ZC3H3: variants seen among roughly 807,000 people sequenced by gnomAD.
ZC3H3 encodes the protein zinc finger CCCH domain-containing protein 3.
ZC3H3 carries 36 observed loss-of-function variants against 77.3 expected under a neutral mutation model. The observed-to-expected ratio is 0.47, with a 90% CI of 0.36 to 0.61. ZC3H3 has a LOEUF of 0.61. Ranked by LOEUF, ZC3H3 falls within the 20% of genes least tolerant of loss-of-function variation. The pLI is 0.00. For synonymous variants in ZC3H3, 626 were observed against 555.2 expected, an observed-to-expected ratio of 1.13 and a Z score of -1.79; for missense variants, 1,331 against 1,312.2, an observed-to-expected ratio of 1.01 and a Z score of -0.22.
rs1820300302 is a variant in ZC3H3 at position 143,462,792 on chromosome 8, C to A, written c.2307+2925G>T. ...AGAGGTGGGGATGGAGTCACTGTCA[C>A]CCCTGCACACGTGCACACGATGCTC... On this transcript the variant is annotated intron_variant, in intron 9 of 11. Coordinates refer to ENST00000262577, the MANE Select transcript of ZC3H3 (RefSeq NM_015117.3). This position sits in a 1 kb window ranked among gnomAD's most constrained non-coding sequence, Gnocchi z 4.7. 6.6e-6 allele frequency among the ~76,000 whole-genome samples: 1 copy of A among 152,198 alleles called. No homozygotes were observed.
At chr8:143,446,846 C>T (rs912944035) in intron 9 of ZC3H3, among the ~76,000 whole-genome samples, 1 of 152,256 alleles carries the variant, frequency 6.6e-6, no homozygotes, top group South Asian at 2.1e-4. Flanking sequence ...GACTGGGGCC[C>T]GCAACCGGAG....
Position 143,462,810 on chromosome 8 carries a change from C to T in ZC3H3, c.2307+2907G>A, listed in dbSNP as rs1338487484. On this transcript the variant is annotated intron_variant, in intron 9 of 11. Transcript: ENST00000262577. The surrounding 1 kb of genome is among the most constrained non-coding windows in gnomAD (Gnocchi z 4.7). ...ACTGTCACCCCTGCACACGTGCACA[C>T]GATGCTCCCCAGCCCTGTGCACTGG... Among the ~76,000 whole-genome samples, 1 of 152,224 alleles carries T rather than the reference C, an allele frequency of 6.6e-6. No individual in the cohort carries two copies. The highest frequency in any genetic ancestry group is 6.5e-5 in the Admixed American group (1 of 15,286).
chr8:143,504,601 C>G (rs907293943), intron 4 of ZC3H3, among the ~76,000 whole-genome samples: 15 of 152,174 alleles, frequency 9.9e-5, no homozygotes, highest in Non-Finnish European at 1.9e-4. Flanking sequence ...TACAAGCAGG[C>G]AGGGACGGGC....
chr8:143,461,001 G>A (rs57560188), intron 9 of ZC3H3, among the ~76,000 whole-genome samples: 8,174 of 152,232 alleles, frequency 0.054, 283 homozygotes, highest in Non-Finnish European at 0.078. Context: ...TTTCTGTCAG[G>A]AGTGAGGAAA....
intron 8 of ZC3H3, among the ~76,000 whole-genome samples, chr8:143,466,131 T>TCC (rs1820402310): frequency 6.6e-6 from 1 of 152,128 alleles, no homozygotes; most frequent in Non-Finnish European, 1.5e-5. Flanking sequence ...CTCCTCTGAG[T>TCC]CCCTCACCTG....
chr8:143,445,747 C>T (rs909749826), intron 9 of ZC3H3, among the ~76,000 whole-genome samples: 21 of 152,018 alleles, frequency 1.4e-4, no homozygotes, highest in African/African-American at 5.1e-4. Flanking sequence ...TGAAGAAATA[C>T]AGATGCCATC....
chr8:143,541,284 G>T (rs1040979105), intron 1 of ZC3H3, 92 bp downstream of exon 1: 11 of 1,582,816 alleles, frequency 6.9e-6, no homozygotes, highest in African/African-American at 5.5e-5. Context: ...ACACGCGGGC[G>T]GTGAGCGACC....
intron 3 of ZC3H3, among the ~76,000 whole-genome samples, chr8:143,528,465 C>T (rs939639389): frequency 6.6e-6 from 1 of 152,226 alleles, no homozygotes; most frequent in African/African-American, 2.4e-5. Flanking sequence ...GCCAGCCTCC[C>T]GGGGAGATCG....
chr8:143,464,199 C>T (rs1174930530), intron 9 of ZC3H3, among the ~76,000 whole-genome samples: 3 of 152,252 alleles, frequency 2.0e-5, no homozygotes, highest in Admixed American at 6.5e-5. Context: ...GGCGCCGCGG[C>T]GCGGACACAC....
At chr8:143,535,567 AC>A (rs1411998429) in intron 3 of ZC3H3, among the ~76,000 whole-genome samples, 3 of 152,106 alleles carry the variant, frequency 2.0e-5, no homozygotes, top group Admixed American at 6.5e-5. Flanking sequence ...AGGGCTCTAG[AC>A]CCTCACCACA....
intron 11 of ZC3H3, among the ~76,000 whole-genome samples, chr8:143,439,404 G>A (rs995412937): frequency 2.6e-5 from 4 of 152,206 alleles, no homozygotes; most frequent in East Asian, 1.9e-4. Flanking sequence ...GCAGCCCGCC[G>A]AGCTGCGTGG....
chr8:143,495,753 C>G (rs891193765), intron 4 of ZC3H3, among the ~76,000 whole-genome samples: 1 of 133,962 alleles, frequency 7.5e-6, no homozygotes, highest in South Asian at 2.5e-4. Context: ...GCTAATTTTT[C>G]TTTTCTTTCT....
intron 4 of ZC3H3, among the ~76,000 whole-genome samples, chr8:143,503,982 A>AGG (rs146581356): frequency 6.6e-6 from 1 of 152,168 alleles, no homozygotes; most frequent in South Asian, 2.1e-4. Context: ...TTAAATTAGG[A>AGG]GGGGGAGAGA....
chr8:143,482,299 G>A (rs1457454521), intron 4 of ZC3H3, among the ~76,000 whole-genome samples: 14 of 152,240 alleles, frequency 9.2e-5, no homozygotes, highest in Admixed American at 4.6e-4. Context: ...TGGGGAGGCC[G>A]GCCCTACTTA....
At chr8:143,477,301 A>G (rs1294334673) in intron 4 of ZC3H3, among the ~76,000 whole-genome samples, 1 of 152,204 alleles carries the variant, frequency 6.6e-6, no homozygotes, top group Admixed American at 6.5e-5. Context: ...GTTCACAAAC[A>G]CCAATCTTGG....
intron 3 of ZC3H3, chr8:143,523,502 A>G (rs1822317271): frequency 3.0e-6 from 3 of 985,306 alleles, no homozygotes; most frequent in Non-Finnish European, 3.6e-6. Context: ...GTGGCCCTAC[A>G]GACGGAAGCC....
chr8:143,538,232 A>G lies in ZC3H3; in HGVS notation c.1135T>C (p.Trp379Arg). Residue 379 changes from tryptophan to arginine, a missense_variant, in exon 2 of 12, where the codon TGG becomes CGG. By Grantham distance (101) the Trp-to-Arg change is moderately radical. Coordinates refer to ENST00000262577, the MANE Select transcript of ZC3H3 (RefSeq NM_015117.3). ...GAGGCAGAGGGGCTGGAGGCCTTCCACTTGTACTTGCTGGGGGCAGACCCT... is the reference window on the plus strand; with the variant it reads ...GAGGCAGAGGGGCTGGAGGCCTTCCGCTTGTACTTGCTGGGGGCAGACCCT... The part of the protein sequence containing the change: ...KPGSAPSKYK[W>R]KASSPSASSS... 1.2e-6 allele frequency: 2 copies of G among 1,612,934 alleles called. No individual in the cohort carries two copies. The highest frequency in any genetic ancestry group is 1.7e-6 in the Non-Finnish European group (2 of 1,180,016).
intron 3 of ZC3H3, among the ~76,000 whole-genome samples, chr8:143,535,330 C>T (rs1340187561): frequency 6.6e-6 from 1 of 152,202 alleles, no homozygotes; most frequent in Non-Finnish European, 1.5e-5. Context: ...TGAGCAACCG[C>T]GCCCAGCCTT....
chr8:143,539,375 G>T, intron 1 of ZC3H3, 55 bp from the exon 2 acceptor site: 2 of 1,495,674 alleles, frequency 1.3e-6, no homozygotes, highest in Non-Finnish European at 9.0e-7. Context: ...CGATAATCAT[G>T]ACTACCCTGG....
Sources: gnomAD v4.1 joint callset for allele counts (sites outside exome capture counted in the v4.1 genomes callset) on GRCh38, gnomAD v4.1.1 for gene constraint, Gnocchi (gnomAD v3.1) non-coding constraint, MANE v1.5 for transcripts, NCBI Gene and HGNC (gene_info 2026-07-23, HGNC 2026-07-21) for gene names.